Variants in SESTD1 observed in about 807,000 individuals in gnomAD.
The protein encoded by SESTD1 is SEC14 domain and spectrin repeat-containing protein 1.
SESTD1 carries 43 observed loss-of-function variants against 101.7 expected under a neutral mutation model. That is an observed-to-expected ratio of 0.42 (90% CI 0.33 to 0.55). The LOEUF is 0.55. Among genes scored for constraint, SESTD1 ranks in the 20% least tolerant of loss-of-function variants. SESTD1 has a pLI of 0.07. For missense variants in SESTD1, 647 were observed against 815.1 expected, an observed-to-expected ratio of 0.79 and a Z score of 2.51; for synonymous variants, 283 against 286.8, an observed-to-expected ratio of 0.99 and a Z score of 0.13.
At chr2:179,115,714 T>G (rs1431354497) in intron 15 of SESTD1, among the ~76,000 whole-genome samples, 1 of 152,026 alleles carries the variant, frequency 6.6e-6, no homozygotes, top group Non-Finnish European at 1.5e-5. Flanking sequence ...TGCTGAAACA[T>G]CATATCCTAA....
chr2:179,116,840 T>G, intron 14 of SESTD1, 50 bp from the exon 15 acceptor site: 8 of 1,590,142 alleles, frequency 5.0e-6, no homozygotes, highest in Non-Finnish European at 6.9e-6. Flanking sequence ...TCTTTACTTA[T>G]TGTATCAAAA....
At position 179,143,821 on chromosome 2, in the gene SESTD1, A is replaced by G; in HGVS notation, c.638-18T>C. On this transcript the variant is annotated intron_variant, in intron 8 of 17. Transcript: ENST00000428443. ...TTCATGCCCTTTACAAATAAAAGAT[A>G]CTTGAAATTAATATCTGTAAAGAAA... 6.2e-7 allele frequency: 1 copy of G among 1,606,682 alleles called. No homozygotes were observed. Among genetic ancestry groups the G allele is most frequent in the Non-Finnish European group, 8.5e-7 (1 of 1,177,402 alleles).
chr2:179,132,890 A>G (rs1385738052), intron 9 of SESTD1, among the ~76,000 whole-genome samples: 1 of 152,246 alleles, frequency 6.6e-6, no homozygotes, highest in Non-Finnish European at 1.5e-5. Context: ...ACTAACAGCC[A>G]TATGTTCTAA....
intron 9 of SESTD1, 67 bp downstream of exon 9, chr2:179,143,525 A>C (rs1347503248): frequency 9.3e-6 from 13 of 1,393,424 alleles, no homozygotes; most frequent in African/African-American, 1.4e-5. Flanking sequence ...AAGACTTAAT[A>C]GTCAGTCACA....
chr2:179,220,524 T>C (rs1365608962), intron 1 of SESTD1, among the ~76,000 whole-genome samples: 1 of 152,146 alleles, frequency 6.6e-6, no homozygotes, highest in Non-Finnish European at 1.5e-5. Context: ...CACAGTTCCC[T>C]TAGATGAGCT....
chr2:179,181,826 G>C (rs1385784524), intron 3 of SESTD1, among the ~76,000 whole-genome samples: 1 of 152,058 alleles, frequency 6.6e-6, no homozygotes, highest in Non-Finnish European at 1.5e-5. Flanking sequence ...GTTATCTAAT[G>C]ATGAACAAGT....
At chr2:179,169,120 A>G (rs13403231) in intron 5 of SESTD1, among the ~76,000 whole-genome samples, 26,783 of 152,154 alleles carry the variant, frequency 0.18, 2,623 homozygotes, top group South Asian at 0.28. Flanking sequence ...CAATAATTGC[A>G]TTAAATATAA....
intron 5 of SESTD1, among the ~76,000 whole-genome samples, chr2:179,163,229 A>C (rs1451669341): frequency 2.6e-5 from 4 of 152,152 alleles, no homozygotes; most frequent in Non-Finnish European, 5.9e-5. Context: ...GAATTGAATA[A>C]TGTATTTGAC....
At chr2:179,176,861 G>A (rs1050659836) in intron 3 of SESTD1, among the ~76,000 whole-genome samples, 6 of 152,166 alleles carry the variant, frequency 3.9e-5, no homozygotes, top group South Asian at 2.1e-4. Flanking sequence ...CAATTTCTTC[G>A]TCTGTAAAAT....
intron 1 of SESTD1, among the ~76,000 whole-genome samples, chr2:179,210,767 T>C (rs1057155531): frequency 2.2e-5 from 3 of 134,180 alleles, no homozygotes; most frequent in Middle Eastern, 4.2e-3. Flanking sequence ...CCCCTGAGAA[T>C]TGGAACAAGA....
intron 1 of SESTD1, among the ~76,000 whole-genome samples, chr2:179,241,266 A>G (rs2047148418): frequency 6.6e-6 from 1 of 152,136 alleles, no homozygotes; most frequent in Non-Finnish European, 1.5e-5. Context: ...CCAGAAGCAG[A>G]GGAGAAAGGG....
chr2:179,255,474 T>G (rs2047380800), intron 1 of SESTD1, among the ~76,000 whole-genome samples: 3 of 152,192 alleles, frequency 2.0e-5, no homozygotes, highest in Admixed American at 1.3e-4. Context: ...GCCATAACAT[T>G]CCCTTAAGCC....
Position 179,210,713 on chromosome 2 carries a change from C to G in SESTD1, c.-25-18847G>C, listed in dbSNP as rs1220761806. Among the ~76,000 whole-genome samples, 5 of 134,238 alleles carry G rather than the reference C, an allele frequency of 3.7e-5. 2 individuals carry two copies. The highest frequency in any genetic ancestry group is 8.0e-5 in the Non-Finnish European group (5 of 62,480). 88.1% of individuals were successfully genotyped at this position (134,238 alleles called of 152,430 possible). ...GTAATAAAAGCCTTCTATGATAAAC[C>G]CACAGCCAACATTATACTGAACAGG... On this transcript the variant is annotated intron_variant, in intron 1 of 17. Transcript: ENST00000428443.
intron 4 of SESTD1, among the ~76,000 whole-genome samples, chr2:179,175,151 T>C (rs918179009): frequency 1.3e-5 from 2 of 152,132 alleles, no homozygotes; most frequent in African/African-American, 4.8e-5. Context: ...TTATTTAAAA[T>C]CCTTGAGCCT....
In SESTD1 at chr2:179,135,208, G is replaced by C. The variant is rs1023628768; in HGVS notation, c.850-2782C>G. 7.2e-5 allele frequency among the ~76,000 whole-genome samples: 11 copies of C among 152,228 alleles called. No individual in the cohort carries two copies. The East Asian group carries it at 2.1e-3, about 29-fold the overall frequency. On this transcript the variant is annotated intron_variant, in intron 9 of 17. Coordinates refer to ENST00000428443, the MANE Select transcript of SESTD1 (RefSeq NM_178123.5). Reference sequence around the variant, plus strand: ...TGCACCTGCCTCGGCCTCCCAAAGTGCTGGGATTACAGGTGTGAGCCACCG... The same window carrying C: ...TGCACCTGCCTCGGCCTCCCAAAGTCCTGGGATTACAGGTGTGAGCCACCG...
rs190093730 is a variant in SESTD1, at chr2:179,186,051, C to T, written c.56-2863G>A. Among the ~76,000 whole-genome samples, 1,196 of 143,832 alleles carry T rather than the reference C, an allele frequency of 8.3e-3. 9 individuals are homozygous for T. Among genetic ancestry groups the T allele is most frequent in the African/African-American group, 0.028 (1,115 of 39,314 alleles). 94.4% of individuals were successfully genotyped at this position (143,832 alleles called of 152,430 possible). A position where few individuals can be genotyped will look rare whatever the true frequency, so the allele number is the denominator to read the frequency against. On this transcript the variant is annotated intron_variant, in intron 2 of 17. Transcript: ENST00000428443. ...CATACAGTATATAATATAGCATATA[C>T]AATATAGTATATTATATACAATATA...
chr2:179,248,726 T>C (rs914875750), intron 1 of SESTD1, among the ~76,000 whole-genome samples: 1 of 151,930 alleles, frequency 6.6e-6, no homozygotes, highest in Non-Finnish European at 1.5e-5. Context: ...AGAGTTTGCA[T>C]TAAAAACTTA....
chr2:179,220,312 T>G (rs1353130121), intron 1 of SESTD1, among the ~76,000 whole-genome samples: 2 of 152,130 alleles, frequency 1.3e-5, no homozygotes, highest in Non-Finnish European at 2.9e-5. Flanking sequence ...ATGAAAAAAT[T>G]TTAAAAATCT....
intron 5 of SESTD1, among the ~76,000 whole-genome samples, chr2:179,161,094 T>C (rs341959): frequency 8.2e-6 from 1 of 122,092 alleles, no homozygotes; most frequent in Non-Finnish European, 1.7e-5. Context: ...TTTTTTTTTT[T>C]AATTTTTTGT....
Sources: gnomAD v4.1 joint callset for allele counts (sites outside exome capture counted in the v4.1 genomes callset) on GRCh38, gnomAD v4.1.1 for gene constraint, MANE v1.5 for transcripts, NCBI Gene and HGNC (gene_info 2026-07-23, HGNC 2026-07-21) for gene names.